TMPRSS11D: variants seen among roughly 807,000 people sequenced by gnomAD.
TMPRSS11D encodes the protein transmembrane protease serine 11D.
TMPRSS11D carries 32 observed loss-of-function variants against 44.4 expected under a neutral mutation model. The ratio of observed to expected loss-of-function variants is 0.72; its 90% CI spans 0.54 to 0.97. The LOEUF is 0.97. TMPRSS11D is among the 50% of genes least tolerant of loss of function. The pLI, the probability that TMPRSS11D is intolerant of heterozygous loss-of-function variation, is 0.00. For synonymous variants in TMPRSS11D, 179 were observed against 177.9 expected (o/e 1.01, Z -0.05); for missense variants, 446 against 502.6 (o/e 0.89, Z 1.08).
At chr4:67,864,505 C>T (rs993608493) in intron 1 of TMPRSS11D, among the ~76,000 whole-genome samples, 1 of 151,758 alleles carries the variant, frequency 6.6e-6, no homozygotes, top group Non-Finnish European at 1.5e-5. Context: ...GAGAAAGAAA[C>T]AAAATGGCAA....
chr4:67,873,825 G>A (rs530778472), intron 1 of TMPRSS11D, among the ~76,000 whole-genome samples: 1 of 152,126 alleles, frequency 6.6e-6, no homozygotes, highest in South Asian at 2.1e-4. Context: ...TGTACTGAAG[G>A]CATAATAGAT....
chr4:67,837,132 T>C (rs560337059), intron 5 of TMPRSS11D, among the ~76,000 whole-genome samples: 1 of 152,140 alleles, frequency 6.6e-6, no homozygotes. Context: ...AAACCGCTAT[T>C]CTGTGACCAT....
chr4:67,838,659 A>T (rs1718161098), intron 4 of TMPRSS11D, among the ~76,000 whole-genome samples: 1 of 152,080 alleles, frequency 6.6e-6, no homozygotes, highest in African/African-American at 2.4e-5. Context: ...TGGGTTATGA[A>T]GATTAGATGA....
At chr4:67,877,249 C>G (rs936038310) in intron 1 of TMPRSS11D, among the ~76,000 whole-genome samples, 9 of 152,264 alleles carry the variant, frequency 5.9e-5, no homozygotes, top group African/African-American at 1.9e-4. Context: ...GTTCTCCTTT[C>G]TCTAGTTGAT....
intron 1 of TMPRSS11D, among the ~76,000 whole-genome samples, chr4:67,880,184 T>C (rs553971411): frequency 6.6e-6 from 1 of 152,282 alleles, no homozygotes; most frequent in East Asian, 1.9e-4. Context: ...GAGGTGCCCA[T>C]GGGGTCTTCT....
chr4:67,833,145 A>G, intron 7 of TMPRSS11D, 59 bp downstream of exon 7: 1 of 1,303,900 alleles, frequency 7.7e-7, no homozygotes, highest in Non-Finnish European at 9.9e-7. Context: ...TAGAGGGTGC[A>G]GTCTTCATGA....
intron 1 of TMPRSS11D, chr4:67,860,406 C>G (rs1456023867): frequency 6.6e-6 from 1 of 152,006 alleles, no homozygotes; most frequent in Non-Finnish European, 1.5e-5. Flanking sequence ...GCTTGGAGGT[C>G]ATATTGTCAT....
intron 3 of TMPRSS11D, among the ~76,000 whole-genome samples, chr4:67,850,173 A>G (rs760849327): frequency 6.6e-6 from 1 of 152,190 alleles, no homozygotes; most frequent in Non-Finnish European, 1.5e-5. Context: ...AAAGACAAAG[A>G]AGGATTTAGT....
intron 1 of TMPRSS11D, among the ~76,000 whole-genome samples, chr4:67,866,442 A>G (rs997295606): frequency 1.3e-5 from 2 of 152,074 alleles, no homozygotes; most frequent in Non-Finnish European, 2.9e-5. Context: ...GAACAAGGCA[A>G]GGATGACCAC....
chr4:67,859,700 A>C, intron 1 of TMPRSS11D, 22 bp from the exon 2 acceptor site: 3 of 1,610,914 alleles, frequency 1.9e-6, no homozygotes, highest in Non-Finnish European at 2.5e-6. Flanking sequence ...GAGAGATCAA[A>C]GAAAGTCATT....
chr4:67,851,976 G>A (rs1718520331), intron 3 of TMPRSS11D, among the ~76,000 whole-genome samples: 1 of 152,176 alleles, frequency 6.6e-6, no homozygotes, highest in Non-Finnish European at 1.5e-5. Flanking sequence ...ACACCATCAA[G>A]GAGGTGGGGC....
At chr4:67,827,547 T>A in intron 7 of TMPRSS11D, 27 bp from the exon 8 acceptor site, 1 of 1,553,942 alleles carries the variant, frequency 6.4e-7, no homozygotes, top group Non-Finnish European at 8.7e-7. Flanking sequence ...ACATGCTATA[T>A]GAGTAGGGAA....
At chr4:67,877,086 G>A (rs1719209021) in intron 1 of TMPRSS11D, among the ~76,000 whole-genome samples, 1 of 152,122 alleles carries the variant, frequency 6.6e-6, no homozygotes, top group Non-Finnish European at 1.5e-5. Flanking sequence ...TGAAACGGGC[G>A]ATAGGTATGA....
At chr4:67,870,738 C>T (rs1308199105) in intron 1 of TMPRSS11D, among the ~76,000 whole-genome samples, 5 of 75,308 alleles carry the variant, frequency 6.6e-5, no homozygotes, top group East Asian at 3.5e-4. Context: ...GGCGTGAACC[C>T]GGGAGGCGGA....
At chr4:67,842,532 A>C in intron 4 of TMPRSS11D, 26 bp downstream of exon 4, 1 of 1,600,040 alleles carries the variant, frequency 6.2e-7, no homozygotes, top group Non-Finnish European at 8.6e-7. Context: ...TCTATACTTA[A>C]ATATTTTTTC....
chr4:67,850,649 G>A (rs1718480987), intron 3 of TMPRSS11D, among the ~76,000 whole-genome samples: 2 of 152,184 alleles, frequency 1.3e-5, no homozygotes, highest in Admixed American at 6.5e-5. Context: ...GGTTTATGTA[G>A]TAAAGGAGTG....
At chr4:67,847,832 T>C (rs1228883403) in intron 3 of TMPRSS11D, among the ~76,000 whole-genome samples, 3 of 152,208 alleles carry the variant, frequency 2.0e-5, no homozygotes, top group Non-Finnish European at 2.9e-5. Flanking sequence ...CAATGAATTG[T>C]TGGTCCTCCC....
chr4:67,845,388 GACA>G lies in TMPRSS11D; in HGVS notation c.250-2766_250-2764del, dbSNP rs532786257. Among the ~76,000 whole-genome samples, 13 of 152,248 alleles carry G rather than the reference GACA, an allele frequency of 8.5e-5. No individual in the cohort carries two copies. The South Asian group carries it at 2.7e-3, about 32-fold the overall frequency. ...AAGGGCAGTAGATGGAAAATACAGA[GACA>G]GGTTAGTTTAGCTTGCATCACAAAG... On this transcript the variant is annotated intron_variant, in intron 3 of 9. Coordinates refer to ENST00000283916, the MANE Select transcript of TMPRSS11D (RefSeq NM_004262.3).
At chr4:67,881,326 T>C (rs1560552776) in intron 1 of TMPRSS11D, among the ~76,000 whole-genome samples, 1 of 152,186 alleles carries the variant, frequency 6.6e-6, no homozygotes, top group Non-Finnish European at 1.5e-5. Context: ...AAGTTGGCAG[T>C]GGCATGGGAT....
Sources: allele counts gnomAD v4.1 joint callset (sites outside exome capture counted in the v4.1 genomes callset), GRCh38; gene constraint gnomAD v4.1.1; transcripts MANE v1.5; gene names NCBI Gene and HGNC (gene_info 2026-07-23, HGNC 2026-07-21).